AMPD3: variants seen among roughly 807,000 people sequenced by gnomAD.
AMPD3 encodes adenosine monophosphate deaminase 3.
In AMPD3, 57 loss-of-function variants were observed where a neutral mutation model predicts 82.3. That is an observed-to-expected ratio of 0.69 (90% confidence interval 0.56 to 0.86). AMPD3 has a LOEUF of 0.86. AMPD3 is among the 40% of genes least tolerant of loss of function. The probability of loss-of-function intolerance (pLI) is 0.00; values close to 1 mark genes in which losing one functional copy is unlikely to be tolerated. For missense variants in AMPD3, 870 were observed against 1,003.8 expected (o/e 0.87, Z 1.80); for synonymous variants, 381 against 394.7 (o/e 0.97, Z 0.41).
rs765978318 is a variant in AMPD3 at position 10,502,875 on chromosome 11, T to C, written c.1997T>C (p.Met666Thr). ...GTTTCTCTTTCCACCGATGACCCCA[T>C]GCAGTTCCACTACACGAAGGTAAGG... ...LHVSLSTDDPMQFHYTKEALM... is the reference protein window; with the variant it reads ...LHVSLSTDDPTQFHYTKEALM... The change falls in exon 13 of 15, where the codon ATG becomes ACG. Residue 666 changes from methionine to threonine, a missense_variant. Physicochemically the swap from Met to Thr is moderately conservative, Grantham distance 81. Coordinates refer to ENST00000396553, the MANE Select transcript of AMPD3 (RefSeq NM_001025389.2). 8 of 1,614,040 alleles carry C rather than the reference T, an allele frequency of 5.0e-6. No individual in the cohort carries two copies. The African/African-American group carries it at 5.3e-5, about 11-fold the overall frequency.
chr11:10,471,050 T>C (rs1848575027), intron 2 of AMPD3, among the ~76,000 whole-genome samples: 2 of 152,230 alleles, frequency 1.3e-5, no homozygotes, highest in East Asian at 3.8e-4. Flanking sequence ...TCACGCTACC[T>C]GACTTCAAAC....
chr11:10,480,227 G>A (rs1180987786), intron 3 of AMPD3, among the ~76,000 whole-genome samples: 3 of 152,248 alleles, frequency 2.0e-5, no homozygotes, highest in Non-Finnish European at 4.4e-5. Flanking sequence ...CTGTAAGCTT[G>A]GCCGGTGGCC....
chr11:10,461,117 G>T, intron 1 of AMPD3: 2 of 1,187,032 alleles, frequency 1.7e-6, no homozygotes, highest in South Asian at 1.6e-5. Flanking sequence ...TTTGATTATT[G>T]TTGCAGCTAT....
chr11:10,471,551 C>G (rs1374407463), intron 2 of AMPD3, among the ~76,000 whole-genome samples: 1 of 152,152 alleles, frequency 6.6e-6, no homozygotes. Context: ...TTCAATCTAT[C>G]CATCTGACAA....
chr11:10,461,343 T>A, intron 1 of AMPD3, 172 bp from the exon 2 acceptor site: 4 of 1,588,762 alleles, frequency 2.5e-6, no homozygotes, highest in Non-Finnish European at 3.4e-6. Context: ...CACATCCAGT[T>A]ACTTATTGAG....
chr11:10,451,882 C>T (rs902288519), upstream of AMPD3, among the ~76,000 whole-genome samples: 6 of 152,164 alleles, frequency 3.9e-5, no homozygotes, highest in Middle Eastern at 3.2e-3. Flanking sequence ...GCACTAAGGC[C>T]GAGTGTTAGT....
At chr11:10,487,885 G>T (rs1269494428) in intron 6 of AMPD3, among the ~76,000 whole-genome samples, 4 of 152,154 alleles carry the variant, frequency 2.6e-5, no homozygotes, top group African/African-American at 9.7e-5. Context: ...TAGGTGACGG[G>T]TTGATAGGTG....
chr11:10,499,921 C>A, intron 10 of AMPD3, 165 bp from the exon 11 acceptor site: 4 of 983,152 alleles, frequency 4.1e-6, no homozygotes, highest in Non-Finnish European at 4.8e-6. Context: ...ACTTTTCATC[C>A]CTGGGAGGAA....
At chr11:10,495,782 T>C (rs764310395) in intron 9 of AMPD3, 49 bp downstream of exon 9, 2 of 1,610,752 alleles carry the variant, frequency 1.2e-6, no homozygotes, top group Non-Finnish European at 1.7e-6. Context: ...GAGGTGACAA[T>C]CTGTCCCTCA....
intron 2 of AMPD3, chr11:10,478,293 G>A (rs1848799241): frequency 3.0e-6 from 3 of 985,442 alleles, no homozygotes; most frequent in Non-Finnish European, 3.6e-6. Flanking sequence ...TGTGCAAACA[G>A]CCCTGAGCAG....
rs115771987 is a variant in AMPD3 at position 10,501,247 on chromosome 11, G to A, written c.1722-223G>A. ...GCACAGCAGGGTCTCTTTCTACTGC[G>A]AGGCCCACTCTCTGCCCGTAGAGGT... On this transcript the variant is annotated intron_variant, in intron 11 of 14. Coordinates refer to ENST00000396553, the MANE Select transcript of AMPD3 (RefSeq NM_001025389.2). The A allele has an allele frequency of 7.7e-4, 761 of 985,364 alleles. 2 individuals are homozygous for A. The African/African-American group carries it at 0.012, about 16-fold the overall frequency. 61.0% of individuals were successfully genotyped at this position (985,364 alleles called of 1,614,324 possible).
intron 2 of AMPD3, among the ~76,000 whole-genome samples, chr11:10,474,675 G>C (rs116996681): frequency 6.6e-6 from 1 of 152,212 alleles, no homozygotes; most frequent in African/African-American, 2.4e-5. Context: ...GTCCTTGTGC[G>C]TCAAGAGGAT....
intron 10 of AMPD3, chr11:10,497,583 C>G: frequency 1.0e-6 from 1 of 985,266 alleles, no homozygotes; most frequent in African/African-American, 1.7e-5. Context: ...GCGGGGAGCC[C>G]GAGGGCTGGG....
At chr11:10,451,871 A>T (rs1847972535), upstream of AMPD3, among the ~76,000 whole-genome samples, 1 of 152,260 alleles carries the variant, frequency 6.6e-6, no homozygotes, top group Non-Finnish European at 1.5e-5. Flanking sequence ...CTGGCTGTGC[A>T]GCACTAAGGC....
At chr11:10,502,456 G>T (rs1345998984) in intron 12 of AMPD3, 2 of 985,360 alleles carry the variant, frequency 2.0e-6, no homozygotes, top group South Asian at 4.7e-5. Context: ...CTTGCCTCCA[G>T]TTTGGAGCAA....
chr11:10,484,315 C>G, intron 4 of AMPD3: 3 of 985,354 alleles, frequency 3.0e-6, no homozygotes, highest in Non-Finnish European at 2.4e-6. Context: ...ATCCTTTGCT[C>G]CTTTGGGGAG....
In AMPD3 at chr11:10,493,392, A is replaced by T; in HGVS notation, c.983A>T (p.His328Leu). Residue 328 changes from histidine to leucine, a missense_variant, in exon 7 of 15, where the codon CAT (histidine) becomes CTT (leucine). Physicochemically the swap from His to Leu is moderately conservative, Grantham distance 99. Coordinates refer to ENST00000396553, the MANE Select transcript of AMPD3 (RefSeq NM_001025389.2). ...GCGGCCGCCTGCATGAACCAAAAGC[A>T]TCTGCTGCGCTTCATCAAGCACACA... is the stretch of plus-strand genomic sequence containing the variant. Reference protein sequence around the residue: ...IHAAACMNQKHLLRFIKHTYQ... With the variant: ...IHAAACMNQKLLLRFIKHTYQ... The T allele has an allele frequency of 6.2e-7, 1 of 1,614,236 alleles. No homozygotes were observed. Among genetic ancestry groups the T allele is most frequent in the Middle Eastern group, 1.6e-4 (1 of 6,062 alleles).
At chr11:10,505,216 G>A (rs1260028272) in intron 14 of AMPD3, 11 of 985,424 alleles carry the variant, frequency 1.1e-5, no homozygotes, top group Non-Finnish European at 1.3e-5. Context: ...TAGGTCCCCC[G>A]ACACCTCCCT....
chr11:10,491,728 ATTC>A (rs1424756797), intron 6 of AMPD3, among the ~76,000 whole-genome samples: 2 of 152,200 alleles, frequency 1.3e-5, no homozygotes, highest in African/African-American at 4.8e-5. Context: ...GACCAGCTGG[ATTC>A]AGGACACACC....
Sources: allele counts gnomAD v4.1 joint callset (sites outside exome capture counted in the v4.1 genomes callset), GRCh38; gene constraint gnomAD v4.1.1; transcripts MANE v1.5; gene names NCBI Gene and HGNC (gene_info 2026-07-23, HGNC 2026-07-21).